The following PARP16 variants were observed in gnomAD, a reference collection of about 807,000 sequenced individuals.
The protein encoded by PARP16 is poly(ADP-ribose) polymerase family member 16.
In PARP16, 31 loss-of-function variants were observed where a neutral mutation model predicts 35.0. The observed-to-expected ratio is 0.88, with a 90% confidence interval of 0.66 to 1.19. The LOEUF (loss-of-function observed/expected upper bound fraction) is 1.19, where lower values mean the gene tolerates loss of function less well. Among genes scored for constraint, PARP16 ranks in the 50% most tolerant of loss-of-function variants. The pLI is 0.00. For missense variants in PARP16, 424 were observed against 411.2 expected (o/e 1.03, Z -0.27); for synonymous variants, 162 against 169.5 (o/e 0.96, Z 0.34).
At chr15:65,268,890 G>A (rs1479632000) in intron 2 of PARP16, among the ~76,000 whole-genome samples, 1 of 152,042 alleles carries the variant, frequency 6.6e-6, no homozygotes. Flanking sequence ...GAGCAGCTGG[G>A]ATTACAGGCA....
intron 5 of PARP16, 91 bp downstream of exon 5, chr15:65,260,794 T>A: frequency 8.6e-7 from 1 of 1,157,944 alleles, no homozygotes; most frequent in Non-Finnish European, 1.3e-6. Context: ...CTAGCGGAGG[T>A]CTAAGGCTGG....
In PARP16 at chr15:65,261,954, T is replaced by C. The variant is rs1180095915; in HGVS notation, c.692-928A>G. Among the ~76,000 whole-genome samples, 3 of 152,214 alleles carry C rather than the reference T, an allele frequency of 2.0e-5. No individual in the cohort carries two copies. The East Asian group carries it at 5.8e-4, about 29-fold the overall frequency. On this transcript the variant is annotated intron_variant, in intron 4 of 5. Transcript: ENST00000649807. ...AGTTGGAAGGTTTTGTTTTGATGTT[T>C]AATGTCACGGTTTGCAAACTTCCTA... is the stretch of plus-strand genomic sequence containing the variant.
At chr15:65,250,373 C>T (rs2089327932) in intron 2 of PARP16, among the ~76,000 whole-genome samples, 4 of 152,048 alleles carry the variant, frequency 2.6e-5, no homozygotes, top group Admixed American at 2.6e-4. Flanking sequence ...CCACCTCAGC[C>T]TCCCAAAGTG....
chr15:65,264,168 G>A (rs1157119195), intron 3 of PARP16, among the ~76,000 whole-genome samples: 1 of 152,172 alleles, frequency 6.6e-6, no homozygotes, highest in Non-Finnish European at 1.5e-5. Context: ...CCCTCCATAA[G>A]GAAGCATGCC....
chr15:65,266,682 T>C lies in PARP16; in HGVS notation c.399A>G (p.Pro133=). 1 of 1,614,176 alleles carries C rather than the reference T, an allele frequency of 6.2e-7. No individual in the cohort carries two copies. The highest frequency in any genetic ancestry group is 8.5e-7 in the Non-Finnish European group (1 of 1,180,006). The change falls in exon 3 of 6, where the codon CCA becomes CCG. Residue 133 remains proline (P), a synonymous_variant. Coordinates refer to ENST00000649807, the MANE Select transcript of PARP16 (RefSeq NM_001316943.2). ...TGGTCTCATAAAATTTGGCGTTGGC[T>C]GGGTCAAAGTACTCAATTTCAAACA... is the stretch of plus-strand genomic sequence containing the variant. ...DFLFEIEYFD[P]ANAKFYETKG...
chr15:65,283,084 G>A (rs763422804), intron 1 of PARP16, among the ~76,000 whole-genome samples: 2 of 152,152 alleles, frequency 1.3e-5, no homozygotes, highest in Non-Finnish European at 2.9e-5. Flanking sequence ...CCTTCCAGCA[G>A]AAAGAAAATA....
In PARP16 at chr15:65,271,179, G is replaced by A. The variant is rs984113181; in HGVS notation, c.175-107C>T. The A allele has an allele frequency of 7.9e-6, 8 of 1,007,654 alleles. No homozygotes were observed. The African/African-American group carries it at 9.5e-5, about 12-fold the overall frequency. 62.4% of individuals were successfully genotyped at this position (1,007,654 alleles called of 1,614,324 possible). On this transcript the variant is annotated intron_variant, in intron 1 of 5. Coordinates refer to ENST00000649807, the MANE Select transcript of PARP16 (RefSeq NM_001316943.2). ...CGTTCACTTGTTGCACGTCTCAAGGGATCTCCTGAGAGGAAATTCACAGGT... is the reference window on the plus strand; with the variant it reads ...CGTTCACTTGTTGCACGTCTCAAGGAATCTCCTGAGAGGAAATTCACAGGT...
chr15:65,263,467 A>C, intron 3 of PARP16, 147 bp from the exon 4 acceptor site: 1 of 597,560 alleles, frequency 1.7e-6, no homozygotes, highest in Admixed American at 3.2e-5. Flanking sequence ...GGATCAAATA[A>C]TCCTGTGATA....
intron 2 of PARP16, among the ~76,000 whole-genome samples, chr15:65,252,259 T>G (rs2089381661): frequency 6.6e-6 from 1 of 152,172 alleles, no homozygotes; most frequent in African/African-American, 2.4e-5. Flanking sequence ...GGAAGGTGAA[T>G]GAACCCTGGG....
chr15:65,256,472 A>G (rs545456318), downstream of PARP16, among the ~76,000 whole-genome samples: 6 of 149,014 alleles, frequency 4.0e-5, no homozygotes, highest in African/African-American at 1.2e-4. Flanking sequence ...CAGTCGCACA[A>G]TCTCGGTTCA....
chr15:65,253,504 G>A (rs1474827016), downstream of PARP16, among the ~76,000 whole-genome samples: 1 of 151,052 alleles, frequency 6.6e-6, no homozygotes. Flanking sequence ...CTAATTTTTT[G>A]TATTTTTAGT....
chr15:65,242,511 C>T (rs2089107230), intron 3 of PARP16, among the ~76,000 whole-genome samples: 1 of 152,124 alleles, frequency 6.6e-6, no homozygotes, highest in Admixed American at 6.6e-5. Flanking sequence ...CACAGTATCT[C>T]TCACCACTTA....
intron 1 of PARP16, among the ~76,000 whole-genome samples, chr15:65,281,252 G>T (rs770740000): frequency 6.6e-6 from 1 of 152,168 alleles, no homozygotes; most frequent in Admixed American, 6.5e-5. Flanking sequence ...AATGTTACAG[G>T]TTCTCTCATC....
intron 3 of PARP16, among the ~76,000 whole-genome samples, chr15:65,236,263 A>G (rs960221465): frequency 5.9e-5 from 9 of 152,242 alleles, no homozygotes; most frequent in Non-Finnish European, 1.2e-4. Flanking sequence ...TGGTGCTTAC[A>G]GTCTAGTGGT....
Position 65,286,266 on chromosome 15 carries a change from T to A in PARP16, c.161A>T (p.Asp54Val), listed in dbSNP as rs752180745. 9 of 1,586,074 alleles carry A rather than the reference T, an allele frequency of 5.7e-6. No individual in the cohort carries two copies. The Admixed American group carries it at 8.9e-5, about 16-fold the overall frequency. ...AAGCACACTCACCAGGGCTTCAAAG[T>A]CCTTACAGTCGCCGCGGGCGTAGGA... ...PASYARGDCK[D>V]FEALLADASK... The change falls in exon 1 of 6, where the codon GAC (aspartate) becomes GTC (valine). Residue 54 changes from aspartate to valine, a missense_variant. Asp to Val is a radical substitution (Grantham distance 152). Transcript: ENST00000649807.
At chr15:65,269,205 T>TCTCTCTCTCTCTCTCTCTCCTCTCTCTC (rs1567029678) in intron 2 of PARP16, among the ~76,000 whole-genome samples, 1 of 147,308 alleles carries the variant, frequency 6.8e-6, no homozygotes, top group African/African-American at 2.6e-5. Flanking sequence ...TCTTTCTTTC[T>TCTCTCTCTCTCTCTCTCTCCTCTCTCTC]TTTTTTTTTG....
At chr15:65,278,920 G>A (rs764974463) in intron 1 of PARP16, among the ~76,000 whole-genome samples, 5 of 152,252 alleles carry the variant, frequency 3.3e-5, no homozygotes, top group South Asian at 2.1e-4. Flanking sequence ...GGGCAGGGGC[G>A]ATGAGTGGAG....
chr15:65,243,356 T>G (rs956729174), intron 3 of PARP16, among the ~76,000 whole-genome samples: 2 of 152,062 alleles, frequency 1.3e-5, no homozygotes, highest in African/African-American at 4.8e-5. Context: ...GCTCAAGTGG[T>G]CCTCCTGCCT....
At position 65,262,617 on chromosome 15, in the gene PARP16, C is replaced by T. The variant is rs56367683; in HGVS notation, c.691+532G>A. ...CAGGACTCCCCAGCACCTTGGCTGC[C>T]CTTCACATCCTGGAGGGATCTGGCA... On this transcript the variant is annotated intron_variant, in intron 4 of 5. Transcript: ENST00000649807. Among the ~76,000 whole-genome samples, 1,223 of 152,268 alleles carry T rather than the reference C, an allele frequency of 8.0e-3. 20 individuals carry two copies. Among genetic ancestry groups the T allele is most frequent in the African/African-American group, 0.028 (1,180 of 41,538 alleles).
Sources: allele counts gnomAD v4.1 joint callset (sites outside exome capture counted in the v4.1 genomes callset), GRCh38; gene constraint gnomAD v4.1.1; transcripts MANE v1.5; gene names NCBI Gene and HGNC (gene_info 2026-07-23, HGNC 2026-07-21).